The following CASK variants were observed in gnomAD, a reference collection of about 807,000 sequenced individuals.
CASK encodes the protein peripheral plasma membrane protein CASK.
Under a neutral mutation model 82.9 loss-of-function variants are expected in CASK, and 4 were observed. That is an observed-to-expected ratio of 0.05 (90% CI 0.02 to 0.11). The LOEUF is 0.11. Ranked by LOEUF, CASK falls within the 10% of genes least tolerant of loss-of-function variation. CASK has a pLI of 1.00. For missense variants in CASK, 358 were observed against 720.9 expected (o/e 0.50, Z 5.76); for synonymous variants, 259 against 253.5 (o/e 1.02, Z -0.20).
At chrX:41,722,251 G>C (rs764656488) in intron 5 of CASK, among the ~76,000 whole-genome samples, 3 of 112,186 alleles carry the variant, frequency 2.7e-5, no homozygotes, top group Non-Finnish European at 5.6e-5. Context: ...GTGATAGCCA[G>C]TTTCCAAGAT....
At chrX:41,532,346 T>C (rs2064816694) in intron 24 of CASK, among the ~76,000 whole-genome samples, 1 of 112,410 alleles carries the variant, frequency 8.9e-6, no homozygotes, top group African/African-American at 3.2e-5. Flanking sequence ...TAAGTGCTTG[T>C]GATAGACTGT....
chrX:41,695,674 G>A, intron 5 of CASK: 1 of 1,204,175 alleles, frequency 8.3e-7, no homozygotes. Context: ...ACTTCAGTCA[G>A]CAGCTGGCCT....
At chrX:41,762,473 A>G (rs771064138) in intron 3 of CASK, among the ~76,000 whole-genome samples, 2 of 111,733 alleles carry the variant, frequency 1.8e-5, no homozygotes, top group African/African-American at 3.3e-5. Context: ...TGGGTATCCT[A>G]CAACCACCAT....
intron 2 of CASK, among the ~76,000 whole-genome samples, chrX:41,814,833 A>G (rs2070381202): frequency 3.6e-5 from 4 of 112,370 alleles, no homozygotes; most frequent in African/African-American, 1.3e-4. Context: ...TTCTTTACCC[A>G]CTGAACTAGA....
chrX:41,719,149 G>T (rs2068116441), intron 5 of CASK, among the ~76,000 whole-genome samples: 1 of 112,137 alleles, frequency 8.9e-6, no homozygotes, highest in African/African-American at 3.2e-5. Flanking sequence ...CTGAAGCCAA[G>T]CCTGTCTCTA....
chrX:41,715,603 C>G (rs1474731705), intron 5 of CASK, among the ~76,000 whole-genome samples: 1 of 97,569 alleles, frequency 1.0e-5, no homozygotes, highest in East Asian at 3.2e-4. Flanking sequence ...GCCCAGGAGA[C>G]AAGAGCAAAA....
At chrX:41,618,148 C>T (rs1003416912) in intron 11 of CASK, among the ~76,000 whole-genome samples, 2 of 112,472 alleles carry the variant, frequency 1.8e-5, no homozygotes, top group Non-Finnish European at 3.8e-5. Flanking sequence ...AAGACTTAAC[C>T]ACAGAAAACA....
At chrX:41,838,503 C>T (rs1273724542) in intron 2 of CASK, among the ~76,000 whole-genome samples, 1 of 111,947 alleles carries the variant, frequency 8.9e-6, no homozygotes, top group Non-Finnish European at 1.9e-5. Context: ...TGCCAGTAAT[C>T]CCAGCACTTT....
chrX:41,529,368 G>A (rs891683774), intron 25 of CASK, among the ~76,000 whole-genome samples: 4 of 111,998 alleles, frequency 3.6e-5, no homozygotes, highest in African/African-American at 1.3e-4. Flanking sequence ...AGAGCTGGAC[G>A]CTATGGGTGG....
intron 5 of CASK, among the ~76,000 whole-genome samples, chrX:41,674,401 A>C (rs1051205997): frequency 8.9e-6 from 1 of 111,842 alleles, no homozygotes; most frequent in Non-Finnish European, 1.9e-5. Flanking sequence ...GCAGACTATA[A>C]GAGTATCAAG....
intron 11 of CASK, among the ~76,000 whole-genome samples, chrX:41,619,385 C>T (rs1188286259): frequency 2.7e-5 from 3 of 109,607 alleles, no homozygotes; most frequent in African/African-American, 1.0e-4. Flanking sequence ...GCAATCCTCC[C>T]ACCCCAGCCT....
At chrX:41,539,832 G>C (rs761555366) in intron 22 of CASK, among the ~76,000 whole-genome samples, 24 of 112,090 alleles carry the variant, frequency 2.1e-4, no homozygotes, top group Non-Finnish European at 4.1e-4. Context: ...AACCTGAAGA[G>C]ATGGTGACAG....
intron 10 of CASK, among the ~76,000 whole-genome samples, chrX:41,623,486 G>A (rs935924613): frequency 9.0e-6 from 1 of 111,541 alleles, no homozygotes; most frequent in East Asian, 2.8e-4. Context: ...GCAGTGGCAC[G>A]ATCTCGGCTC....
chrX:41,632,807 G>T (rs1183662193), intron 9 of CASK, among the ~76,000 whole-genome samples: 1 of 110,829 alleles, frequency 9.0e-6, no homozygotes, highest in African/African-American at 3.3e-5. Context: ...AGCACTTTGG[G>T]AGGCCGAGGC....
intron 8 of CASK, among the ~76,000 whole-genome samples, chrX:41,658,337 T>A (rs2147458179): frequency 8.9e-6 from 1 of 112,240 alleles, no homozygotes; most frequent in African/African-American, 3.2e-5. Flanking sequence ...GGCCTGGACT[T>A]ATGACTGGTG....
At chrX:41,523,156 G>A (rs2064662209) in intron 26 of CASK, 1 of 112,693 alleles carries the variant, frequency 8.9e-6, no homozygotes, top group African/African-American at 3.2e-5. Flanking sequence ...ACATGCTTAT[G>A]TATTAAATAA....
At chrX:41,657,942 C>A (rs1445823862) in intron 8 of CASK, among the ~76,000 whole-genome samples, 1 of 111,122 alleles carries the variant, frequency 9.0e-6, no homozygotes, top group Non-Finnish European at 1.9e-5. Context: ...CAGCCCCACC[C>A]CTCAATCTCT....
intron 2 of CASK, among the ~76,000 whole-genome samples, chrX:41,828,783 C>A (rs945195843): frequency 1.3e-4 from 15 of 112,109 alleles, no homozygotes; most frequent in African/African-American, 3.2e-4. Flanking sequence ...ACTTTAGATA[C>A]ATTTTGCACC....
chrX:41,612,176 G>A (rs2066072720), intron 11 of CASK, among the ~76,000 whole-genome samples: 1 of 108,859 alleles, frequency 9.2e-6, no homozygotes, highest in Non-Finnish European at 1.9e-5. Context: ...TGGGACGTGA[G>A]GAGCCCCTCT....
Sources: gnomAD v4.1 joint callset for allele counts (sites outside exome capture counted in the v4.1 genomes callset) on GRCh38, gnomAD v4.1.1 for gene constraint, MANE v1.5 for transcripts, NCBI Gene and HGNC (gene_info 2026-07-23, HGNC 2026-07-21) for gene names.